TCF3: variants seen among roughly 807,000 people sequenced by gnomAD.
The protein encoded by TCF3 is transcription factor 3, also known as transcription factor E2-alpha.
A neutral mutation model predicts 72.3 loss-of-function variants in TCF3; 54 were observed. That is an observed-to-expected ratio of 0.75 (90% CI 0.60 to 0.94). The LOEUF is 0.94. Among genes scored for constraint, TCF3 ranks in the 40% least tolerant of loss-of-function variants. The pLI, the probability that TCF3 is intolerant of heterozygous loss-of-function variation, is 0.00. For synonymous variants in TCF3, 525 were observed against 412.6 expected, an observed-to-expected ratio of 1.27 and a Z score of -3.30; for missense variants, 1,078 against 934.4, an observed-to-expected ratio of 1.15 and a Z score of -2.00.
Position 1,621,931 on chromosome 19 carries a change from G to C in TCF3, c.862C>G (p.Pro288Ala). 6.2e-7 allele frequency: 1 copy of C among 1,605,592 alleles called. No homozygotes were observed. The highest frequency in any genetic ancestry group is 2.2e-5 in the East Asian group (1 of 44,542). The change falls in exon 11 of 19, where the codon CCA (proline) becomes GCA (alanine). Residue 288 changes from proline to alanine, a missense_variant. Pro to Ala is a conservative substitution (Grantham distance 27). Coordinates refer to ENST00000262965, the MANE Select transcript of TCF3 (RefSeq NM_003200.5). ...LHGAEVNGGLPSASSFSSAPG... is the reference protein window; with the variant it reads ...LHGAEVNGGLASASSFSSAPG... Reference sequence around the variant, plus strand: ...GCTGAGGAGAAGGAGGATGCAGATGGGAGCCCACCGTTCACCTCTGCTCCA... The same window carrying C: ...GCTGAGGAGAAGGAGGATGCAGATGCGAGCCCACCGTTCACCTCTGCTCCA...
rs147824695 is a variant in TCF3, at chr19:1,619,391, C to G, written c.1251G>C (p.Thr417=). Residue 417 remains threonine (T), a synonymous_variant, in exon 15 of 19, where the codon ACG becomes ACC. Transcript: ENST00000262965. Reference sequence around the variant, plus strand: ...CCAGCGCCCCGTGGCCAGGCAGCAGCGTGTGCATGTCGCCGGCTGTGCCCA... The same window carrying G: ...CCAGCGCCCCGTGGCCAGGCAGCAGGGTGTGCATGTCGCCGGCTGTGCCCA... ...HAVGTAGDMH[T]LLPGHGALAS... 1.3e-6 allele frequency: 2 copies of G among 1,593,220 alleles called. No homozygotes were observed. The highest frequency in any genetic ancestry group is 1.7e-6 in the Non-Finnish European group (2 of 1,177,068).
rs139754543 is a variant in TCF3 at position 1,616,079 on chromosome 19, C to T, written c.1451-258G>A. On this transcript the variant is annotated intron_variant, in intron 16 of 18. Transcript: ENST00000262965. ...TGGAACAAAGTGTGTAGAAATTCTG[C>T]AGCAACTCAATGGCAGGAATCTACT... Among the ~76,000 whole-genome samples, 957 of 152,304 alleles carry T rather than the reference C, an allele frequency of 6.3e-3. 13 individuals carry two copies. Among genetic ancestry groups the T allele is most frequent in the African/African-American group, 0.022 (901 of 41,582 alleles).
chr19:1,619,582 C>A, intron 14 of TCF3, 108 bp from the exon 15 acceptor site: 1 of 1,437,848 alleles, frequency 7.0e-7, no homozygotes, highest in Non-Finnish European at 9.2e-7. Context: ...TCTTCCCCTT[C>A]CCCAGGAAGC....
intron 3 of TCF3, among the ~76,000 whole-genome samples, chr19:1,637,708 G>A (rs1387698579): frequency 6.6e-6 from 1 of 152,204 alleles, no homozygotes; most frequent in African/African-American, 2.4e-5. Flanking sequence ...CAGAAATCAA[G>A]ACCATGCTGG....
chr19:1,636,425 T>C (rs1467698444), intron 3 of TCF3, among the ~76,000 whole-genome samples: 1 of 152,132 alleles, frequency 6.6e-6, no homozygotes, highest in Admixed American at 6.5e-5. Flanking sequence ...ACTCCCAAAG[T>C]GCTGGGATTA....
intron 2 of TCF3, among the ~76,000 whole-genome samples, chr19:1,648,607 G>A (rs1010361877): frequency 3.9e-5 from 6 of 152,220 alleles, no homozygotes; most frequent in Non-Finnish European, 8.8e-5. Flanking sequence ...ATAAAACGGG[G>A]CTTAAAAATA....
intron 5 of TCF3, among the ~76,000 whole-genome samples, chr19:1,630,946 G>A (rs1279097517): frequency 1.3e-5 from 2 of 152,226 alleles, no homozygotes; most frequent in Non-Finnish European, 2.9e-5. Context: ...TGTCCCAGTC[G>A]CAGCCCCAGG....
chr19:1,612,717 G>A (rs1303579201), intron 18 of TCF3, among the ~76,000 whole-genome samples: 6 of 148,208 alleles, frequency 4.0e-5, no homozygotes, highest in African/African-American at 2.5e-5. Flanking sequence ...TACACGGCTG[G>A]TGTGGGTGTG....
chr19:1,651,293 G>A (rs1427269543), intron 1 of TCF3: 1 of 228,460 alleles, frequency 4.4e-6, no homozygotes, highest in African/African-American at 2.2e-5. Context: ...GAGGCTGGGG[G>A]TGGGGAGGAG....
chr19:1,647,351 T>C (rs1230494865), intron 2 of TCF3, among the ~76,000 whole-genome samples: 1 of 152,226 alleles, frequency 6.6e-6, no homozygotes, highest in Non-Finnish European at 1.5e-5. Flanking sequence ...GTGGCTGGAA[T>C]CAGAGCCAGG....
At position 1,612,116 on chromosome 19, in the gene TCF3, C is replaced by T. The variant is rs1027919266; in HGVS notation, c.1823-267G>A. ...CACAAAGACAGACATGGACAGAGTC[C>T]GGGGGCGGCAAGCACAGGAGGACCC... On this transcript the variant is annotated intron_variant, in intron 18 of 18. Transcript: ENST00000262965. 42 of 1,323,994 alleles carry T rather than the reference C, an allele frequency of 3.2e-5. No homozygotes were observed. The Admixed American group carries it at 3.7e-4, about 12-fold the overall frequency. 82.0% of individuals were successfully genotyped at this position (1,323,994 alleles called of 1,614,324 possible).
intron 3 of TCF3, among the ~76,000 whole-genome samples, chr19:1,635,285 A>G (rs1008689521): frequency 6.6e-6 from 1 of 152,158 alleles, no homozygotes; most frequent in Non-Finnish European, 1.5e-5. Context: ...AGCTTGCCCC[A>G]TAGCTACAGC....
intron 3 of TCF3, among the ~76,000 whole-genome samples, chr19:1,634,851 A>G (rs750610959): frequency 6.6e-6 from 1 of 152,224 alleles, no homozygotes; most frequent in Non-Finnish European, 1.5e-5. Flanking sequence ...TTGTCCATGT[A>G]CTATCAACGG....
chr19:1,652,124 G>T (rs2067210907), intron 1 of TCF3, among the ~76,000 whole-genome samples, 176 bp downstream of exon 1: 1 of 149,250 alleles, frequency 6.7e-6, no homozygotes, highest in African/African-American at 2.5e-5. Context: ...CGCCCCCCCG[G>T]CGCCGCGCGA....
At chr19:1,642,336 G>C (rs1269859511) in intron 3 of TCF3, among the ~76,000 whole-genome samples, 1 of 152,158 alleles carries the variant, frequency 6.6e-6, no homozygotes, top group Non-Finnish European at 1.5e-5. Flanking sequence ...ACACACGTGC[G>C]TGTAAAGCCG....
At position 1,610,383 on chromosome 19, in the gene TCF3, C is replaced by T. The variant is rs1180585613; in HGVS notation, c.*1324G>A. On this transcript the variant is annotated 3_prime_UTR_variant, in exon 19 of 19. Coordinates refer to ENST00000262965, the MANE Select transcript of TCF3 (RefSeq NM_003200.5). ...GCTGGCCAGGCCCCTGGCATCCTGTCTACGTCACGATGGCCCTCTGGTGTA... is the reference window on the plus strand; with the variant it reads ...GCTGGCCAGGCCCCTGGCATCCTGTTTACGTCACGATGGCCCTCTGGTGTA... The T allele has an allele frequency of 4.3e-6, 1 of 230,622 alleles. No individual in the cohort carries two copies. The highest frequency in any genetic ancestry group is 8.6e-6 in the Non-Finnish European group (1 of 116,568). The allele number at this position is 230,622 out of a possible 1,614,324, so 14.3% of individuals were successfully genotyped here.
intron 3 of TCF3, among the ~76,000 whole-genome samples, chr19:1,636,037 G>A (rs1290826691): frequency 1.3e-5 from 2 of 152,244 alleles, no homozygotes; most frequent in African/African-American, 2.4e-5. Flanking sequence ...CCTGGGTCTG[G>A]CCCCTGCAGC....
intron 3 of TCF3, among the ~76,000 whole-genome samples, chr19:1,644,322 C>T (rs950745874): frequency 1.3e-5 from 2 of 152,206 alleles, no homozygotes; most frequent in African/African-American, 2.4e-5. Context: ...GTGCCACCAA[C>T]TCAGGCCTTG....
At chr19:1,642,297 G>C (rs547543076) in intron 3 of TCF3, among the ~76,000 whole-genome samples, 21 of 149,858 alleles carry the variant, frequency 1.4e-4, no homozygotes, top group Non-Finnish European at 3.0e-5. Flanking sequence ...CACACGCACA[G>C]ACACACACCC....
Sources: gnomAD v4.1 joint callset for allele counts (sites outside exome capture counted in the v4.1 genomes callset) on GRCh38, gnomAD v4.1.1 for gene constraint, MANE v1.5 for transcripts, NCBI Gene and HGNC (gene_info 2026-07-23, HGNC 2026-07-21) for gene names.